Variants in SH3GLB2 observed in about 807,000 individuals in gnomAD.
SH3GLB2 encodes the protein endophilin-B2.
SH3GLB2 carries 24 observed loss-of-function variants against 48.0 expected under a neutral mutation model. The ratio of observed to expected loss-of-function variants is 0.50; its 90% CI spans 0.36 to 0.70. SH3GLB2 has a LOEUF of 0.70. Among genes scored for constraint, SH3GLB2 ranks in the 30% least tolerant of loss-of-function variants. SH3GLB2 has a pLI of 0.00. For synonymous variants in SH3GLB2, 227 were observed against 207.6 expected, an observed-to-expected ratio of 1.09 and a Z score of -0.80; for missense variants, 425 against 516.0, an observed-to-expected ratio of 0.82 and a Z score of 1.71.
chr9:129,024,012 G>T (rs150536670), intron 1 of SH3GLB2, among the ~76,000 whole-genome samples: 3 of 152,146 alleles, frequency 2.0e-5, no homozygotes, highest in African/African-American at 4.8e-5. Flanking sequence ...CTCCCTTCTG[G>T]ACCTGAGAGC....
intron 3 of SH3GLB2, among the ~76,000 whole-genome samples, chr9:129,020,743 G>A (rs894375765): frequency 6.7e-6 from 1 of 149,046 alleles, no homozygotes; most frequent in Admixed American, 6.7e-5. Flanking sequence ...GGTCACGGGC[G>A]CCTGTAGTCC....
intron 1 of SH3GLB2, among the ~76,000 whole-genome samples, chr9:129,024,394 T>C (rs1483966709): frequency 2.6e-5 from 4 of 151,070 alleles, no homozygotes; most frequent in Non-Finnish European, 5.9e-5. Context: ...ACCCCTTCTC[T>C]ACTAAAAATA....
rs542852302 is a variant in SH3GLB2 at position 129,027,044 on chromosome 9, A to G, written c.63+1048T>C. Among the ~76,000 whole-genome samples, 27 of 152,272 alleles carry G rather than the reference A, an allele frequency of 1.8e-4. No individual in the cohort carries two copies. The East Asian group carries it at 3.9e-3, about 22-fold the overall frequency. On this transcript the variant is annotated intron_variant, in intron 1 of 10. Coordinates refer to ENST00000372564, the MANE Select transcript of SH3GLB2 (RefSeq NM_020145.4). ...AGAAACAACAACGATGACAACGACAACGACAAAGACAAGACTACAGGACCT... is the reference window on the plus strand; with the variant it reads ...AGAAACAACAACGATGACAACGACAGCGACAAAGACAAGACTACAGGACCT...
intron 7 of SH3GLB2, 195 bp from the exon 8 acceptor site, chr9:129,010,404 A>G: frequency 1.6e-6 from 1 of 639,720 alleles, no homozygotes; most frequent in Non-Finnish European, 2.8e-6. Flanking sequence ...CCCCACAGGC[A>G]GCTGCAGTGA....
chr9:129,009,537 C>G, intron 9 of SH3GLB2, 191 bp from the exon 10 acceptor site: 1 of 1,547,772 alleles, frequency 6.5e-7, no homozygotes. Flanking sequence ...CCCTGCCATC[C>G]TCCCCACCCA....
At chr9:129,009,684 G>C in intron 9 of SH3GLB2, 87 bp downstream of exon 9, 1 of 1,421,932 alleles carries the variant, frequency 7.0e-7, no homozygotes, top group Non-Finnish European at 9.6e-7. Flanking sequence ...TTGTGTCACA[G>C]GACTTGCCCA....
chr9:129,025,623 A>AAGGCAGGCAGGCAGGCAGGC (rs764337598), intron 1 of SH3GLB2, among the ~76,000 whole-genome samples: 3 of 146,226 alleles, frequency 2.1e-5, no homozygotes, highest in African/African-American at 7.5e-5. Flanking sequence ...GGAAGGAAGG[A>AAGGCAGGCAGGCAGGCAGGC]AGGCAGGCAG....
chr9:129,010,734 G>C, intron 6 of SH3GLB2, 41 bp from the exon 7 acceptor site: 1 of 1,613,154 alleles, frequency 6.2e-7, no homozygotes, highest in South Asian at 1.1e-5. Flanking sequence ...GGGGAGGGGA[G>C]AGGAGGACAG....
At chr9:129,024,902 G>A (rs1275943175) in intron 1 of SH3GLB2, among the ~76,000 whole-genome samples, 1 of 150,998 alleles carries the variant, frequency 6.6e-6, no homozygotes, top group Non-Finnish European at 1.5e-5. Context: ...CCTGGGAGGT[G>A]GAGCTTGCAG....
chr9:129,009,347 C>T lies in SH3GLB2; in HGVS notation c.840-1G>A, dbSNP rs1320964654. The T allele has an allele frequency of 7.8e-6, 12 of 1,548,148 alleles. No homozygotes were observed. Among genetic ancestry groups the T allele is most frequent in the Non-Finnish European group, 1.0e-5 (12 of 1,144,614 alleles). On this transcript the variant is annotated splice_acceptor_variant, in intron 9 of 10. Transcript: ENST00000372564. LOFTEE classifies it high-confidence loss of function. ...GGTGCCCACGAAGGTGCCGGGAAAT[C>T]TGGAGAGGAGGGATACATCTTAGCA...
intron 3 of SH3GLB2, among the ~76,000 whole-genome samples, chr9:129,017,931 TGTGATTATAGGTGC>T (rs959635546): frequency 1.4e-5 from 2 of 141,740 alleles, no homozygotes; most frequent in African/African-American, 5.3e-5. Context: ...ATTAGCTGGG[TGTGATTATAGGTGC>T]GTGATGGTGC....
At chr9:129,010,839 G>C (rs1843078544) in intron 6 of SH3GLB2, 146 bp from the exon 7 acceptor site, 2 of 999,838 alleles carry the variant, frequency 2.0e-6, no homozygotes. Flanking sequence ...GCTGAGACTG[G>C]GCCGAGGCCC....
Position 129,014,211 on chromosome 9 carries a change from T to C in SH3GLB2, c.561+200A>G, listed in dbSNP as rs1179455563. On this transcript the variant is annotated intron_variant, in intron 5 of 10. Coordinates refer to ENST00000372564, the MANE Select transcript of SH3GLB2 (RefSeq NM_020145.4). This position sits in a 1 kb window ranked among gnomAD's most constrained non-coding sequence, Gnocchi z 4.1. ...TCCGCCCACACCGTAGATATCTCCC[T>C]GGGAACCAGAGCTCGGGGGCCACCA... Among the ~76,000 whole-genome samples, 8 of 151,936 alleles carry C rather than the reference T, an allele frequency of 5.3e-5. No individual in the cohort carries two copies. Among genetic ancestry groups the C allele is most frequent in the African/African-American group, 1.5e-4 (6 of 41,364 alleles).
intron 5 of SH3GLB2, chr9:129,012,856 CT>C (rs1212862735): frequency 1.8e-5 from 17 of 947,014 alleles, no homozygotes; most frequent in Admixed American, 5.2e-5. Flanking sequence ...GCATCCCCCC[CT>C]AAACCAGAGG....
chr9:129,014,268 C>A lies in SH3GLB2; in HGVS notation c.561+143G>T. 1 of 766,118 alleles carries A rather than the reference C, an allele frequency of 1.3e-6. No individual in the cohort carries two copies. Among genetic ancestry groups the A allele is most frequent in the Non-Finnish European group, 2.1e-6 (1 of 469,082 alleles). The allele number at this position is 766,118 out of a possible 1,614,324, so 47.5% of individuals were successfully genotyped here. A position where few individuals can be genotyped will look rare whatever the true frequency, so the allele number is the denominator to read the frequency against. ...CCTTGAGGGCAGGGACAGAGAGGCT[C>A]AGCCCAGCAGCCCCCAGCCAGGCAT... On this transcript the variant is annotated intron_variant, in intron 5 of 10. Transcript: ENST00000372564. This position sits in a 1 kb window ranked among gnomAD's most constrained non-coding sequence, Gnocchi z 4.1.
At chr9:129,012,545 T>C (rs917663245) in intron 5 of SH3GLB2, 19 of 419,292 alleles carry the variant, frequency 4.5e-5, no homozygotes, top group African/African-American at 3.7e-4. Flanking sequence ...GGAGAGCAAA[T>C]GCGGTGAGGA....
chr9:129,012,239 G>T lies in SH3GLB2; in HGVS notation c.621C>A (p.Ser207=). ...PRNYILSASA[S]ALWNDEVDKA... is the part of the protein sequence containing the mutation. ...GGTGGGGGTGGGGTGCGCTTACCGCGGAGGCGCTGGCCGAGAGAATGTAAT... is the reference window on the plus strand; with the variant it reads ...GGTGGGGGTGGGGTGCGCTTACCGCTGAGGCGCTGGCCGAGAGAATGTAAT... The change falls in exon 6 of 11, where the codon TCC becomes TCA. Residue 207 remains serine (S), a synonymous_variant. Transcript: ENST00000372564. 2.3e-6 allele frequency: 3 copies of T among 1,292,850 alleles called. No individual in the cohort carries two copies. The highest frequency in any genetic ancestry group is 3.1e-5 in the South Asian group (1 of 31,962). The allele number at this position is 1,292,850 out of a possible 1,614,324, so 80.1% of individuals were successfully genotyped here.
At chr9:129,019,754 A>T (rs1843666990) in intron 3 of SH3GLB2, among the ~76,000 whole-genome samples, 1 of 151,542 alleles carries the variant, frequency 6.6e-6, no homozygotes, top group Non-Finnish European at 1.5e-5. Flanking sequence ...ATGTTTGTAC[A>T]ACTCTGTAAA....
rs373652284 is a variant in SH3GLB2, at chr9:129,014,553, C to A, written c.469-50G>T. 163 of 1,537,524 alleles carry A rather than the reference C, an allele frequency of 1.1e-4. 1 individual carries two copies. In the African/African-American group the frequency reaches 2.0e-3, roughly 19 times the overall value. Reference sequence around the variant, plus strand: ...TGAGACCCTGGGCTGCCCTGGGAGACCCTGAGCCATGCATGGCAAGATTGG... The same window carrying A: ...TGAGACCCTGGGCTGCCCTGGGAGAACCTGAGCCATGCATGGCAAGATTGG... On this transcript the variant is annotated intron_variant, in intron 4 of 10. Coordinates refer to ENST00000372564, the MANE Select transcript of SH3GLB2 (RefSeq NM_020145.4). This position sits in a 1 kb window ranked among gnomAD's most constrained non-coding sequence, Gnocchi z 4.1.
Sources: allele counts gnomAD v4.1 joint callset (sites outside exome capture counted in the v4.1 genomes callset), GRCh38; gene constraint gnomAD v4.1.1; non-coding constraint Gnocchi (gnomAD v3.1); transcripts MANE v1.5; gene names NCBI Gene and HGNC (gene_info 2026-07-23, HGNC 2026-07-21).